CC2D2A: variants seen among roughly 807,000 people sequenced by gnomAD.
CC2D2A encodes coiled-coil and C2 domain containing 2A.
In CC2D2A, 155 loss-of-function variants were observed where a neutral mutation model predicts 212.9. The observed-to-expected ratio is 0.73, with a 90% CI of 0.64 to 0.83. The LOEUF (loss-of-function observed/expected upper bound fraction) is 0.83, where lower values mean the gene tolerates loss of function less well. Among genes scored for constraint, CC2D2A ranks in the 40% least tolerant of loss-of-function variants. The pLI is 0.00. For missense variants in CC2D2A, 1,856 were observed against 1,956.2 expected, an observed-to-expected ratio of 0.95 and a Z score of 0.97; for synonymous variants, 667 against 686.5, an observed-to-expected ratio of 0.97 and a Z score of 0.44.
intron 4 of CC2D2A, chr4:15,492,820 C>A: frequency 1.6e-6 from 1 of 645,022 alleles, no homozygotes. Context: ...AAAGTGGTCA[C>A]TGAGGGCAAT....
At chr4:15,518,712 C>G (rs1225952265) in intron 11 of CC2D2A, among the ~76,000 whole-genome samples, 2 of 152,250 alleles carry the variant, frequency 1.3e-5, no homozygotes, top group Admixed American at 6.5e-5. Context: ...TGTGTACTCT[C>G]AGGCTCAACA....
In CC2D2A at chr4:15,565,600, T is replaced by G. The variant is rs543621583; in HGVS notation, c.3183-1777T>G. Among the ~76,000 whole-genome samples the G allele has an allele frequency of 2.0e-4, 30 of 152,212 alleles. No individual in the cohort carries two copies. In the South Asian group the frequency reaches 4.4e-3, roughly 22 times the overall value. On this transcript the variant is annotated intron_variant, in intron 24 of 36. Transcript: ENST00000424120. ...TATAGGTACTAAACAAATGGGTTTTTGGGGGTTTTTAAATTTTACTTCTTA... is the reference window on the plus strand; with the variant it reads ...TATAGGTACTAAACAAATGGGTTTTGGGGGGTTTTTAAATTTTACTTCTTA...
intron 4 of CC2D2A, chr4:15,492,752 G>T: frequency 1.2e-6 from 1 of 818,908 alleles, no homozygotes; most frequent in South Asian, 1.4e-5. Context: ...TGGGCCATGA[G>T]GTCCACCACT....
At chr4:15,547,088 T>C (rs1577365728) in intron 17 of CC2D2A, among the ~76,000 whole-genome samples, 1 of 152,230 alleles carries the variant, frequency 6.6e-6, no homozygotes, top group East Asian at 1.9e-4. Flanking sequence ...AAAAACATGC[T>C]GGTTACATGC....
chr4:15,587,735 TATGAC>T, intron 31 of CC2D2A, 76 bp from the exon 32 acceptor site: 1 of 745,978 alleles, frequency 1.3e-6, no homozygotes, highest in Admixed American at 2.1e-5. Context: ...TAACCTCTAC[TATGAC>T]ATATTAGAAT....
At chr4:15,588,209 C>T (rs918016113) in intron 32 of CC2D2A, among the ~76,000 whole-genome samples, 2 of 152,136 alleles carry the variant, frequency 1.3e-5, no homozygotes, top group Non-Finnish European at 2.9e-5. Context: ...TAGTATGGGC[C>T]TCTTCCCAGC....
intron 32 of CC2D2A, 142 bp downstream of exon 32, chr4:15,588,071 G>A (rs886291167): frequency 1.8e-6 from 1 of 557,522 alleles, no homozygotes; most frequent in Middle Eastern, 2.9e-4. Flanking sequence ...AACGGGCAGA[G>A]AGAACTACCA....
rs1184358250 is a variant in CC2D2A at position 15,599,665 on chromosome 4, G to A, written c.4633G>A (p.Asp1545Asn). Residue 1545 changes from aspartate to asparagine, a missense_variant, in exon 36 of 37, where the codon GAC becomes AAC. By Grantham distance (23) the Asp-to-Asn change is conservative. Transcript: ENST00000424120. Reference protein sequence around the residue: ...EKSQGEDVEDDHRAELLKQLG... With the variant: ...EKSQGEDVEDNHRAELLKQLG... ...AAGTCAAGGAGAAGATGTAGAAGATGACCACAGAGCAGAACTGCTAAAACA... is the reference window on the plus strand; with the variant it reads ...AAGTCAAGGAGAAGATGTAGAAGATAACCACAGAGCAGAACTGCTAAAACA... 5 of 1,613,448 alleles carry A rather than the reference G, an allele frequency of 3.1e-6. No individual in the cohort carries two copies. In the African/African-American group the frequency reaches 6.7e-5, roughly 22 times the overall value.
Position 15,514,859 on chromosome 4 carries a change from T to C in CC2D2A, c.870T>C (p.Ser290=). ...QMEREMLFIP[S]RQTVPTYKKL... ...AAAGAGAAATGCTCTTCATACCCAG[T>C]AGGCAGACAGGTACTTGCTCTTTTT... Residue 290 remains serine, a synonymous_variant, in exon 9 of 37, where the codon AGT becomes AGC. Coordinates refer to ENST00000424120, the MANE Select transcript of CC2D2A (RefSeq NM_001378615.1). 3 of 1,613,734 alleles carry C rather than the reference T, an allele frequency of 1.9e-6. No individual in the cohort carries two copies. The highest frequency in any genetic ancestry group is 1.1e-5 in the South Asian group (1 of 91,050).
rs148730374 is a variant in CC2D2A at position 15,564,835 on chromosome 4, G to A, written c.3182+1313G>A. On this transcript the variant is annotated intron_variant, in intron 24 of 36. Transcript: ENST00000424120. ...TGGGACTACAGGTGTGCCCCACCAC[G>A]CGAGGCTAATTTTTTATTTTTTGTA... 1.1e-4 allele frequency among the ~76,000 whole-genome samples: 16 copies of A among 152,004 alleles called. No individual in the cohort carries two copies. In the East Asian group the frequency reaches 2.5e-3, roughly 24 times the overall value.
Position 15,550,991 on chromosome 4 carries a change from C to T in CC2D2A, c.2338+11C>T. The T allele has an allele frequency of 6.4e-7, 1 of 1,565,058 alleles. No homozygotes were observed. Among genetic ancestry groups the T allele is most frequent in the South Asian group, 1.2e-5 (1 of 86,252 alleles). ...AGGGAGTTGGAAGTGGTATGGAAAG[C>T]TAATATCTTCAATGGTTCACTGTTT... is the stretch of plus-strand genomic sequence containing the variant. On this transcript the variant is annotated intron_variant, in intron 18 of 36. Transcript: ENST00000424120.
At chr4:15,513,816 G>C (rs2109010518) in intron 8 of CC2D2A, among the ~76,000 whole-genome samples, 1 of 152,278 alleles carries the variant, frequency 6.6e-6, no homozygotes, top group East Asian at 1.9e-4. Context: ...CTGTCTTCAA[G>C]TTAAGTTAAA....
At chr4:15,498,622 T>G (rs1715748151) in intron 4 of CC2D2A, among the ~76,000 whole-genome samples, 1 of 152,064 alleles carries the variant, frequency 6.6e-6, no homozygotes, top group Non-Finnish European at 1.5e-5. Flanking sequence ...TTAATGAGGG[T>G]TGTCTTAGTA....
chr4:15,479,274 G>A (rs1385771200), intron 3 of CC2D2A: 13 of 1,537,154 alleles, frequency 8.5e-6, no homozygotes, highest in South Asian at 2.4e-5. Flanking sequence ...CCACCTCTCC[G>A]CAGGAGTTCC....
At position 15,569,352 on chromosome 4, in the gene CC2D2A, T is replaced by C. The variant is rs1410133502; in HGVS notation, c.3458T>C (p.Ile1153Thr). The C allele has an allele frequency of 2.5e-6, 4 of 1,580,262 alleles. No individual in the cohort carries two copies. Among genetic ancestry groups the C allele is most frequent in the Non-Finnish European group, 3.4e-6 (4 of 1,161,304 alleles). The change falls in exon 27 of 37, where the codon ATT becomes ACT. Residue 1153 changes from isoleucine (I) to threonine (T), a missense_variant. Transcript: ENST00000424120. ...SLQSVKDVVF[I>T]NIFDEVLHDV... ...CAGTCAGTGAAAGATGTTGTGTTCA[T>C]TAACATTTTTGATGAAGTACTGCAT... is the stretch of plus-strand genomic sequence containing the variant.
intron 30 of CC2D2A, among the ~76,000 whole-genome samples, chr4:15,585,126 G>A (rs1720808376): frequency 6.6e-6 from 1 of 152,100 alleles, no homozygotes. Flanking sequence ...AATGTGATCT[G>A]GCAATCCCAT....
rs573989496 is a variant in CC2D2A at position 15,597,534 on chromosome 4, G to A, written c.4496+69G>A. ...GTATAATACCAAACTTTAAACCACT[G>A]TCAGCCTGGATGAATGTGAAACAAT... On this transcript the variant is annotated intron_variant, in intron 35 of 36. Transcript: ENST00000424120. The A allele has an allele frequency of 4.1e-5, 49 of 1,203,740 alleles. No individual in the cohort carries two copies. The Middle Eastern group carries it at 5.7e-4, about 14-fold the overall frequency. 74.6% of individuals were successfully genotyped at this position (1,203,740 alleles called of 1,614,324 possible).
At chr4:15,562,922 G>A (rs1463569597) in intron 23 of CC2D2A, among the ~76,000 whole-genome samples, 1 of 152,234 alleles carries the variant, frequency 6.6e-6, no homozygotes, top group Admixed American at 6.5e-5. Context: ...TCCAGCTGGA[G>A]TAGCTGAGTC....
intron 24 of CC2D2A, chr4:15,564,215 A>C (rs1285275293): frequency 1.3e-5 from 2 of 152,354 alleles, no homozygotes; most frequent in Non-Finnish European, 2.9e-5. Context: ...ACAGAGAAGG[A>C]AGGACCAAAA....
Sources: allele counts gnomAD v4.1 joint callset (sites outside exome capture counted in the v4.1 genomes callset), GRCh38; gene constraint gnomAD v4.1.1; transcripts MANE v1.5; gene names NCBI Gene and HGNC (gene_info 2026-07-23, HGNC 2026-07-21).